PAPPA2: variants seen among roughly 807,000 people sequenced by gnomAD.
PAPPA2 encodes the protein pappalysin-2.
Under a neutral mutation model 176.4 loss-of-function variants are expected in PAPPA2, and 86 were observed. The observed-to-expected ratio is 0.49, with a 90% CI of 0.41 to 0.58. The LOEUF (loss-of-function observed/expected upper bound fraction) is 0.58. Ranked by LOEUF, PAPPA2 falls within the 20% of genes least tolerant of loss-of-function variation. The pLI is 0.00. For missense variants in PAPPA2, 2,073 were observed against 2,256.9 expected, an observed-to-expected ratio of 0.92 and a Z score of 1.65; for synonymous variants, 809 against 852.2, an observed-to-expected ratio of 0.95 and a Z score of 0.88.
chr1:176,463,721 G>A (rs1244471276), intron 1 of PAPPA2, among the ~76,000 whole-genome samples: 1 of 152,182 alleles, frequency 6.6e-6, no homozygotes, highest in Admixed American at 6.5e-5. Flanking sequence ...CTTTTAGGCT[G>A]CAACTGCTTC....
At chr1:176,500,585 A>C (rs903062797) in intron 1 of PAPPA2, among the ~76,000 whole-genome samples, 14 of 151,186 alleles carry the variant, frequency 9.3e-5, no homozygotes, top group Admixed American at 7.9e-4. Context: ...CCTATTTATG[A>C]ACTCTTTACT....
chr1:176,777,766 G>A (rs1447997854), intron 17 of PAPPA2, among the ~76,000 whole-genome samples: 1 of 152,064 alleles, frequency 6.6e-6, no homozygotes, highest in African/African-American at 2.4e-5. Context: ...GGAAAGAACT[G>A]AGCAAAATTT....
chr1:176,488,723 C>G (rs1488934277), intron 1 of PAPPA2, among the ~76,000 whole-genome samples: 2 of 152,138 alleles, frequency 1.3e-5, no homozygotes, highest in African/African-American at 4.8e-5. Flanking sequence ...GAGAGAAGTT[C>G]AGTATGGTTA....
intron 14 of PAPPA2, among the ~76,000 whole-genome samples, chr1:176,758,800 T>C (rs1336830987): frequency 1.3e-5 from 2 of 152,220 alleles, no homozygotes; most frequent in African/African-American, 4.8e-5. Flanking sequence ...AAACTCTTTC[T>C]TGAGTTCTCT....
intron 21 of PAPPA2, among the ~76,000 whole-genome samples, chr1:176,817,775 A>G (rs1666466736): frequency 6.6e-6 from 1 of 152,064 alleles, no homozygotes; most frequent in African/African-American, 2.4e-5. Context: ...GGCTTATAGG[A>G]GAAGATAATG....
rs149618042 is a variant in PAPPA2, at chr1:176,614,919, T to C, written c.1991+19324T>C. On this transcript the variant is annotated intron_variant, in intron 3 of 22. Transcript: ENST00000367662. ...GTAAAATATTAGATGTCTTATCAGT[T>C]CATGAGCAGAAACCCACTTCTTTTT... is the stretch of plus-strand genomic sequence containing the variant. 2.0e-4 allele frequency among the ~76,000 whole-genome samples: 30 copies of C among 152,228 alleles called. No homozygotes were observed. The East Asian group carries it at 5.6e-3, about 28-fold the overall frequency.
intron 18 of PAPPA2, 62 bp from the exon 19 acceptor site, chr1:176,791,285 T>A: frequency 6.8e-7 from 1 of 1,476,916 alleles, no homozygotes. Flanking sequence ...TCAGACCACT[T>A]TTTTCAACTC....
intron 2 of PAPPA2, among the ~76,000 whole-genome samples, chr1:176,565,865 T>A (rs1325775299): frequency 6.6e-6 from 1 of 152,188 alleles, no homozygotes; most frequent in Non-Finnish European, 1.5e-5. Context: ...TCCTTCCTAG[T>A]TGAAGTGGGT....
At chr1:176,591,323 A>G (rs1653650920) in intron 2 of PAPPA2, among the ~76,000 whole-genome samples, 1 of 152,148 alleles carries the variant, frequency 6.6e-6, no homozygotes, top group South Asian at 2.1e-4. Context: ...GGTAGCCCTA[A>G]TCTCATGGGC....
In PAPPA2 at chr1:176,716,602, C is replaced by CTTT. The variant is rs71299410; in HGVS notation, c.3798+4639_3798+4641dup. Among the ~76,000 whole-genome samples, 657 of 114,820 alleles carry CTTT rather than the reference C, an allele frequency of 5.7e-3. 9 individuals carry two copies. The highest frequency in any genetic ancestry group is 0.022 in the Middle Eastern group (3 of 136). 75.3% of individuals were successfully genotyped at this position (114,820 alleles called of 152,430 possible). On this transcript the variant is annotated intron_variant, in intron 12 of 22. Transcript: ENST00000367662. ...TCTAGATTACAACAATTCCTTCCTT[C>CTTT]TTTTTTTTTTTTTTTTTTTTGTTTT...
At chr1:176,668,203 A>G (rs904231070) in intron 3 of PAPPA2, among the ~76,000 whole-genome samples, 5 of 152,324 alleles carry the variant, frequency 3.3e-5, no homozygotes, top group East Asian at 3.9e-4. Flanking sequence ...GACGATTTTT[A>G]TAAAAACCAA....
At chr1:176,666,976 TG>T (rs780693543) in intron 3 of PAPPA2, among the ~76,000 whole-genome samples, 13 of 152,312 alleles carry the variant, frequency 8.5e-5, no homozygotes, top group Non-Finnish European at 1.3e-4. Context: ...CCGGGTACCG[TG>T]GCTCACGCCT....
intron 3 of PAPPA2, among the ~76,000 whole-genome samples, chr1:176,665,335 G>A (rs1658580186): frequency 6.6e-6 from 1 of 152,030 alleles, no homozygotes; most frequent in South Asian, 2.1e-4. Context: ...TTGGACACTG[G>A]CAATGGTATT....
intron 3 of PAPPA2, among the ~76,000 whole-genome samples, chr1:176,657,298 G>A (rs561559484): frequency 3.9e-5 from 6 of 152,006 alleles, no homozygotes; most frequent in African/African-American, 1.2e-4. Flanking sequence ...CCAGTGGCCC[G>A]GATAAGAGAG....
At chr1:176,696,156 T>C (rs1018782553) in intron 7 of PAPPA2, among the ~76,000 whole-genome samples, 4 of 151,984 alleles carry the variant, frequency 2.6e-5, no homozygotes, top group Admixed American at 2.6e-4. Flanking sequence ...AGGGTGTGAC[T>C]TCAGGGTGAG....
At chr1:176,793,022 G>A (rs1248945870) in intron 19 of PAPPA2, among the ~76,000 whole-genome samples, 2 of 152,162 alleles carry the variant, frequency 1.3e-5, no homozygotes, top group East Asian at 3.9e-4. Context: ...TACAGCAATA[G>A]AAAGAATAGT....
chr1:176,517,820 C>T (rs1346440534), intron 1 of PAPPA2, among the ~76,000 whole-genome samples: 1 of 151,990 alleles, frequency 6.6e-6, no homozygotes, highest in Non-Finnish European at 1.5e-5. Context: ...TGGCCACCTT[C>T]GACATGGCAG....
intron 3 of PAPPA2, among the ~76,000 whole-genome samples, chr1:176,643,707 A>C (rs1403789869): frequency 3.3e-5 from 5 of 151,886 alleles, no homozygotes; most frequent in Non-Finnish European, 5.9e-5. Flanking sequence ...TGGTAAACAC[A>C]GGGAGACCAC....
chr1:176,758,340 A>T (rs1663528977), intron 14 of PAPPA2, among the ~76,000 whole-genome samples: 1 of 152,178 alleles, frequency 6.6e-6, no homozygotes, highest in South Asian at 2.1e-4. Context: ...AGTGAGGAGG[A>T]AGCAGAATGG....
Sources: gnomAD v4.1 joint callset for allele counts (sites outside exome capture counted in the v4.1 genomes callset) on GRCh38, gnomAD v4.1.1 for gene constraint, MANE v1.5 for transcripts, NCBI Gene and HGNC (gene_info 2026-07-23, HGNC 2026-07-21) for gene names.